LSAMP: variants seen among roughly 807,000 people sequenced by gnomAD.
The protein encoded by LSAMP is limbic system-associated membrane protein.
LSAMP carries 7 observed loss-of-function variants against 38.6 expected under a neutral mutation model. The ratio of observed to expected loss-of-function variants is 0.18; its 90% CI spans 0.10 to 0.34. The LOEUF (loss-of-function observed/expected upper bound fraction) is 0.34. Among genes scored for constraint, LSAMP ranks in the 10% least tolerant of loss-of-function variants. The probability of loss-of-function intolerance (pLI) is 1.00; values close to 1 mark genes in which losing one functional copy is unlikely to be tolerated. For missense variants in LSAMP, 313 were observed against 420.0 expected (o/e 0.75, Z 2.23); for synonymous variants, 154 against 166.8 (o/e 0.92, Z 0.59).
chr3:116,291,523 C>A (rs570535445), intron 1 of LSAMP, among the ~76,000 whole-genome samples: 2 of 152,124 alleles, frequency 1.3e-5, no homozygotes, highest in African/African-American at 2.4e-5. Context: ...TCTATGAGAC[C>A]AGGATAGATG....
chr3:116,184,555 A>G (rs1710565581), intron 1 of LSAMP, among the ~76,000 whole-genome samples: 1 of 151,966 alleles, frequency 6.6e-6, no homozygotes, highest in South Asian at 2.1e-4. Flanking sequence ...ATTTGGGGGT[A>G]TCTTTAAAAA....
intron 1 of LSAMP, among the ~76,000 whole-genome samples, chr3:116,424,531 C>T (rs1005124299): frequency 2.6e-5 from 4 of 152,090 alleles, no homozygotes; most frequent in Admixed American, 2.0e-4. Flanking sequence ...CACAGGACAA[C>T]CCAGAATACG....
chr3:115,889,262 G>C (rs768516080), intron 3 of LSAMP, among the ~76,000 whole-genome samples: 1 of 151,930 alleles, frequency 6.6e-6, no homozygotes, highest in Non-Finnish European at 1.5e-5. Flanking sequence ...TTGAAATTAA[G>C]TATAAAACTT....
chr3:116,113,253 A>C (rs2107473983), intron 1 of LSAMP, among the ~76,000 whole-genome samples: 1 of 151,014 alleles, frequency 6.6e-6, no homozygotes, highest in Admixed American at 6.6e-5. Context: ...AAAGAATAAG[A>C]ATGTTTGTAT....
At chr3:116,079,949 T>C (rs1419898413) in intron 2 of LSAMP, among the ~76,000 whole-genome samples, 1 of 152,218 alleles carries the variant, frequency 6.6e-6, no homozygotes. Context: ...TGATAATTTA[T>C]AGTGGCTTAT....
chr3:116,259,985 T>G (rs985656114), intron 1 of LSAMP, among the ~76,000 whole-genome samples: 1 of 152,142 alleles, frequency 6.6e-6, no homozygotes, highest in African/African-American at 2.4e-5. Flanking sequence ...CTTTTTCTCT[T>G]TTTTCTACAG....
intron 1 of LSAMP, among the ~76,000 whole-genome samples, chr3:116,438,438 C>T (rs1415484412): frequency 6.6e-6 from 1 of 152,078 alleles, no homozygotes; most frequent in Admixed American, 6.6e-5. Flanking sequence ...AGAGGTTGAT[C>T]TTCTGACTAC....
At chr3:116,315,451 A>C (rs1470073688) in intron 1 of LSAMP, among the ~76,000 whole-genome samples, 1 of 152,180 alleles carries the variant, frequency 6.6e-6, no homozygotes, top group Non-Finnish European at 1.5e-5. Context: ...GGACAGAGTT[A>C]AATGGAAAAA....
intron 2 of LSAMP, among the ~76,000 whole-genome samples, chr3:116,061,297 C>T (rs1274065317): frequency 6.6e-6 from 1 of 152,154 alleles, no homozygotes; most frequent in Non-Finnish European, 1.5e-5. Flanking sequence ...GAGAACTGTC[C>T]ATAATTCACT....
At chr3:116,437,823 A>T (rs1014311967) in intron 1 of LSAMP, among the ~76,000 whole-genome samples, 2 of 152,184 alleles carry the variant, frequency 1.3e-5, no homozygotes, top group Non-Finnish European at 2.9e-5. Context: ...ATTAAAATAC[A>T]TGAGTTCTAA....
chr3:116,090,105 T>G (rs1708085664), intron 1 of LSAMP, among the ~76,000 whole-genome samples: 1 of 151,632 alleles, frequency 6.6e-6, no homozygotes, highest in Non-Finnish European at 1.5e-5. Context: ...TCCCAGCTCT[T>G]TGGGAGGCTG....
intron 1 of LSAMP, among the ~76,000 whole-genome samples, chr3:116,214,751 C>T (rs1044461687): frequency 3.9e-5 from 6 of 152,034 alleles, no homozygotes; most frequent in Admixed American, 3.3e-4. Context: ...GATCTGCCTG[C>T]CTCAGCCTCC....
At chr3:115,848,753 C>A (rs1011904802) in intron 4 of LSAMP, among the ~76,000 whole-genome samples, 3 of 152,076 alleles carry the variant, frequency 2.0e-5, no homozygotes, top group Non-Finnish European at 4.4e-5. Context: ...TGAGAAGTGA[C>A]AATGTGAACC....
chr3:116,427,101 C>G (rs2049207102), intron 1 of LSAMP, among the ~76,000 whole-genome samples: 1 of 136,198 alleles, frequency 7.3e-6, no homozygotes, highest in East Asian at 2.3e-4. Context: ...AGACTCAGCT[C>G]TTTCTTTCTT....
At chr3:116,315,298 C>T (rs1439375980) in intron 1 of LSAMP, among the ~76,000 whole-genome samples, 1 of 152,160 alleles carries the variant, frequency 6.6e-6, no homozygotes, top group Non-Finnish European at 1.5e-5. Context: ...CAATAGGGGT[C>T]CAGTCTTATG....
At chr3:116,033,898 T>C (rs1321096734) in intron 2 of LSAMP, among the ~76,000 whole-genome samples, 1 of 152,134 alleles carries the variant, frequency 6.6e-6, no homozygotes, top group Non-Finnish European at 1.5e-5. Flanking sequence ...AGGAGGAATT[T>C]TTCTTGCTTG....
chr3:115,945,766 A>G (rs2107567562), intron 3 of LSAMP, among the ~76,000 whole-genome samples: 1 of 152,304 alleles, frequency 6.6e-6, no homozygotes, highest in East Asian at 1.9e-4. Flanking sequence ...TTTCAATCTA[A>G]CAGACTGTAC....
intron 1 of LSAMP, among the ~76,000 whole-genome samples, chr3:116,359,690 T>A (rs796797984): frequency 1.6e-4 from 24 of 152,312 alleles, no homozygotes; most frequent in African/African-American, 5.5e-4. Context: ...CACAGATCTT[T>A]GACAAACCTG....
intron 3 of LSAMP, among the ~76,000 whole-genome samples, chr3:115,921,978 AT>A (rs1164383879): frequency 6.6e-6 from 1 of 152,052 alleles, no homozygotes; most frequent in African/African-American, 2.4e-5. Context: ...TCCTTTCAAA[AT>A]TTTATCTGTT....
Sources: gnomAD v4.1 joint callset for allele counts (sites outside exome capture counted in the v4.1 genomes callset) on GRCh38, gnomAD v4.1.1 for gene constraint, MANE v1.5 for transcripts, NCBI Gene and HGNC (gene_info 2026-07-23, HGNC 2026-07-21) for gene names.